Variants in KIF6 observed in about 807,000 individuals in gnomAD.
KIF6 encodes the protein kinesin family member 6.
In KIF6, 106 loss-of-function variants were observed where a neutral mutation model predicts 112.7. That is an observed-to-expected ratio of 0.94 (90% CI 0.80 to 1.11). The LOEUF (loss-of-function observed/expected upper bound fraction) is 1.11, where lower values mean the gene tolerates loss of function less well. KIF6 is among the 50% of genes least tolerant of loss of function. KIF6 has a pLI of 0.00. For missense variants in KIF6, 929 were observed against 964.0 expected (o/e 0.96, Z 0.48); for synonymous variants, 339 against 339.9 (o/e 1.00, Z 0.03).
At position 39,360,512 on chromosome 6, in the gene KIF6, A is replaced by C. The variant is rs1434452223; in HGVS notation, c.1965T>G (p.Thr655=). The change falls in exon 18 of 23, where the codon ACT becomes ACG. Residue 655 remains threonine (T), a synonymous_variant. Coordinates refer to ENST00000287152, the MANE Select transcript of KIF6 (RefSeq NM_145027.6). ...TCTCCACCTTCAGGGCTTTCAGGCG[A>C]GTGAACATTGTTTTATACCTGCGGT... ...EEKRRYKTMF[T]RLKALKVEIE... 22 of 1,614,136 alleles carry C rather than the reference A, an allele frequency of 1.4e-5. No individual in the cohort carries two copies. The highest frequency in any genetic ancestry group is 1.7e-5 in the Non-Finnish European group (20 of 1,180,046).
At chr6:39,584,417 T>TAAAAAAAAA (rs61215070) in intron 9 of KIF6, among the ~76,000 whole-genome samples, 6 of 46,060 alleles carry the variant, frequency 1.3e-4, no homozygotes, top group Non-Finnish European at 3.7e-4. Flanking sequence ...ACTCTGTCTC[T>TAAAAAAAAA]AAAAAAAAAA....
intron 21 of KIF6, among the ~76,000 whole-genome samples, chr6:39,344,512 C>T (rs185973564): frequency 3.4e-4 from 51 of 152,156 alleles, no homozygotes; most frequent in African/African-American, 1.2e-3. Flanking sequence ...CAGTGACTTG[C>T]ATTTACCAAG....
chr6:39,437,443 A>G (rs372341001), intron 13 of KIF6, among the ~76,000 whole-genome samples: 1 of 152,234 alleles, frequency 6.6e-6, no homozygotes, highest in Non-Finnish European at 1.5e-5. Context: ...TATTTGGCAC[A>G]CAAAATATCT....
chr6:39,530,406 T>A (rs1339968478), intron 13 of KIF6, among the ~76,000 whole-genome samples: 5 of 152,190 alleles, frequency 3.3e-5, no homozygotes, highest in East Asian at 1.9e-4. Flanking sequence ...AAGAAATTTT[T>A]AAAAAACTCC....
chr6:39,367,941 C>T (rs1475156999), intron 16 of KIF6, among the ~76,000 whole-genome samples: 2 of 152,150 alleles, frequency 1.3e-5, no homozygotes, highest in African/African-American at 4.8e-5. Context: ...TAAAATTTGT[C>T]AATAGGGTCC....
At chr6:39,480,334 G>A (rs1429623130) in intron 13 of KIF6, among the ~76,000 whole-genome samples, 5 of 152,068 alleles carry the variant, frequency 3.3e-5, no homozygotes, top group Non-Finnish European at 4.4e-5. Flanking sequence ...TTTTAATTCT[G>A]TTTATATGGC....
intron 13 of KIF6, among the ~76,000 whole-genome samples, chr6:39,487,507 C>T (rs1227862243): frequency 6.6e-6 from 1 of 152,240 alleles, no homozygotes; most frequent in Non-Finnish European, 1.5e-5. Context: ...TTTATTGAGA[C>T]AGCTTCACAG....
At chr6:39,479,885 C>T (rs929071261) in intron 13 of KIF6, among the ~76,000 whole-genome samples, 1 of 152,040 alleles carries the variant, frequency 6.6e-6, no homozygotes, top group Admixed American at 6.6e-5. Context: ...AGCTAGTGAT[C>T]TGTGTACATT....
chr6:39,449,698 G>A (rs888560432), intron 13 of KIF6, among the ~76,000 whole-genome samples: 8 of 152,184 alleles, frequency 5.3e-5, no homozygotes, highest in Non-Finnish European at 1.2e-4. Flanking sequence ...ACAGTAGGAT[G>A]AAAGAGAGGA....
chr6:39,586,079 A>T (rs1561838071), intron 8 of KIF6, among the ~76,000 whole-genome samples, 182 bp downstream of exon 8: 2 of 152,220 alleles, frequency 1.3e-5, no homozygotes, highest in African/African-American at 2.4e-5. Flanking sequence ...TTATTATAAC[A>T]ATGACCCACA....
chr6:39,724,157 A>G (rs1287506386), intron 1 of KIF6, among the ~76,000 whole-genome samples: 3 of 152,190 alleles, frequency 2.0e-5, no homozygotes, highest in Admixed American at 2.0e-4. Context: ...AATATTTAAG[A>G]AGCATAAAAA....
intron 10 of KIF6, among the ~76,000 whole-genome samples, chr6:39,573,411 C>T (rs1284716540): frequency 6.6e-6 from 1 of 152,136 alleles, no homozygotes; most frequent in Non-Finnish European, 1.5e-5. Flanking sequence ...GTAGGTTGTA[C>T]TAATGTTCAA....
intron 6 of KIF6, among the ~76,000 whole-genome samples, chr6:39,606,798 C>T (rs1782913642): frequency 6.6e-6 from 1 of 152,074 alleles, no homozygotes; most frequent in African/African-American, 2.4e-5. Flanking sequence ...TATAACATTC[C>T]CAGAGTCTTC....
chr6:39,592,635 T>G (rs965500330), intron 7 of KIF6, among the ~76,000 whole-genome samples: 1 of 152,330 alleles, frequency 6.6e-6, no homozygotes, highest in Non-Finnish European at 1.5e-5. Context: ...TTAGGACAAG[T>G]ATGTATGTCT....
chr6:39,660,231 T>G (rs1582390117), intron 3 of KIF6, among the ~76,000 whole-genome samples: 1 of 152,328 alleles, frequency 6.6e-6, no homozygotes, highest in Non-Finnish European at 1.5e-5. Flanking sequence ...CATGCATTCA[T>G]AGCAAAAGAC....
intron 13 of KIF6, among the ~76,000 whole-genome samples, chr6:39,432,974 G>T (rs959702991): frequency 1.3e-5 from 2 of 152,076 alleles, no homozygotes; most frequent in African/African-American, 4.8e-5. Flanking sequence ...AGGTGTGGGG[G>T]TGGTGGGTGA....
chr6:39,594,460 G>C (rs979117898), intron 7 of KIF6, among the ~76,000 whole-genome samples: 1 of 152,190 alleles, frequency 6.6e-6, no homozygotes, highest in Non-Finnish European at 1.5e-5. Flanking sequence ...TTAAGCATAA[G>C]TAGTGTGTAA....
chr6:39,513,688 C>CT (rs1776909832), intron 13 of KIF6, among the ~76,000 whole-genome samples: 1 of 152,088 alleles, frequency 6.6e-6, no homozygotes, highest in Non-Finnish European at 1.5e-5. Context: ...TCTGTTCATG[C>CT]TTAAGTCACT....
At chr6:39,533,466 C>T (rs1778203839) in intron 13 of KIF6, among the ~76,000 whole-genome samples, 1 of 152,176 alleles carries the variant, frequency 6.6e-6, no homozygotes, top group Non-Finnish European at 1.5e-5. Context: ...GGGAGGGGCG[C>T]CCGCCATTGC....
Sources: gnomAD v4.1 joint callset for allele counts (sites outside exome capture counted in the v4.1 genomes callset) on GRCh38, gnomAD v4.1.1 for gene constraint, MANE v1.5 for transcripts, NCBI Gene and HGNC (gene_info 2026-07-23, HGNC 2026-07-21) for gene names.